VPS13B: variants seen among roughly 807,000 people sequenced by gnomAD.
VPS13B encodes intermembrane lipid transfer protein VPS13B.
Under a neutral mutation model 426.4 loss-of-function variants are expected in VPS13B, and 285 were observed. The observed-to-expected ratio is 0.67, with a 90% CI of 0.61 to 0.74. The LOEUF (loss-of-function observed/expected upper bound fraction) is 0.74, where lower values mean the gene tolerates loss of function less well. Among genes scored for constraint, VPS13B ranks in the 30% least tolerant of loss-of-function variants. The pLI, the probability that VPS13B is intolerant of heterozygous loss-of-function variation, is 0.00. For missense variants in VPS13B, 4,537 were observed against 4,782.6 expected (o/e 0.95, Z 1.51); for synonymous variants, 1,676 against 1,676.4 (o/e 1.00, Z 0.01).
chr8:99,205,077 C>T (rs373078911), intron 17 of VPS13B, among the ~76,000 whole-genome samples: 20 of 152,160 alleles, frequency 1.3e-4, no homozygotes, highest in Non-Finnish European at 1.8e-4. Flanking sequence ...CAGCACTATT[C>T]GGAATAGCAA....
Position 99,038,513 on chromosome 8 carries a change from G to C in VPS13B, c.238G>C (p.Val80Leu), listed in dbSNP as rs948398413. ...PWTKLGSEPV[V>L]ITINTMECIL... The stretch of plus-strand genomic sequence containing the variant: ...GACAAAACTGGGTTCAGAACCAGTG[G>C]TAATTACCATCAATACTATGGAATG... The change falls in exon 3 of 62, where the codon GTA (valine) becomes CTA (leucine). Residue 80 changes from valine to leucine, a missense_variant. Around this residue, in one of 2 missense-constraint regions of VPS13B, gnomAD observed 226 missense variants for 308.3 expected, o/e 0.73. Coordinates refer to ENST00000357162, the MANE Select transcript of VPS13B (RefSeq NM_152564.5). The C allele has an allele frequency of 2.5e-6, 4 of 1,612,512 alleles. No homozygotes were observed. Among genetic ancestry groups the C allele is most frequent in the South Asian group, 2.2e-5 (2 of 91,008 alleles).
At chr8:99,697,863 A>G (rs562792599) in intron 35 of VPS13B, 5 of 551,534 alleles carry the variant, frequency 9.1e-6, no homozygotes, top group African/African-American at 1.9e-5. Context: ...AAGAATGGCA[A>G]GGTCAACATC....
chr8:99,536,259 C>T (rs1048987259), intron 30 of VPS13B, among the ~76,000 whole-genome samples: 9 of 152,048 alleles, frequency 5.9e-5, no homozygotes, highest in African/African-American at 2.2e-4. Flanking sequence ...TGATTTTAAT[C>T]AGAATTTAAA....
At chr8:99,143,341 A>C (rs1660285232) in intron 13 of VPS13B, among the ~76,000 whole-genome samples, 176 bp downstream of exon 13, 1 of 152,196 alleles carries the variant, frequency 6.6e-6, no homozygotes, top group African/African-American at 2.4e-5. Flanking sequence ...AGTTGGAGAG[A>C]TCAAGATTTG....
chr8:99,877,236 G>C lies in VPS13B; in HGVS notation c.*1570G>C, dbSNP rs186440514. 4 of 152,604 alleles carry C rather than the reference G, an allele frequency of 2.6e-5. No homozygotes were observed. The highest frequency in any genetic ancestry group is 6.5e-5 in the Admixed American group (1 of 15,286). 9.5% of individuals were successfully genotyped at this position (152,604 alleles called of 1,614,324 possible). A position where few individuals can be genotyped will look rare whatever the true frequency, so the allele number is the denominator to read the frequency against. The stretch of plus-strand genomic sequence containing the variant: ...TTGTTACTGGAAAGCAAGACTTAAC[G>C]AACAATTCTGACTATGAAAAATGTC... On this transcript the variant is annotated 3_prime_UTR_variant, in exon 62 of 62. Coordinates refer to ENST00000357162, the MANE Select transcript of VPS13B (RefSeq NM_152564.5).
intron 17 of VPS13B, among the ~76,000 whole-genome samples, chr8:99,252,668 C>A (rs1325691194): frequency 6.6e-6 from 1 of 152,042 alleles, no homozygotes; most frequent in East Asian, 1.9e-4. Context: ...ATTTTCAGCT[C>A]TATCTCTTTC....
chr8:99,575,695 C>A lies in VPS13B; in HGVS notation c.4987C>A (p.Pro1663Thr). 1 of 1,613,788 alleles carries A rather than the reference C, an allele frequency of 6.2e-7. No homozygotes were observed. The highest frequency in any genetic ancestry group is 8.5e-7 in the Non-Finnish European group (1 of 1,179,874). Residue 1663 changes from proline (P) to threonine (T), a missense_variant, in exon 32 of 62, where the codon CCC (proline) becomes ACC (threonine). This residue lies in a region of VPS13B where 4,311 missense variants were observed against 4,474.3 expected (regional missense o/e 0.96). Transcript: ENST00000357162. Reference protein sequence around the residue: ...RHQERRAILTPVLTDFSVRIT... With the variant: ...RHQERRAILTTVLTDFSVRIT... ...TCAAGAAAGGAGAGCAATTTTGACC[C>A]CCGTTTTGACAGATTTTTCTGTCCG...
At chr8:99,823,547 G>T (rs866014350) in intron 50 of VPS13B, among the ~76,000 whole-genome samples, 1 of 152,060 alleles carries the variant, frequency 6.6e-6, no homozygotes, top group Admixed American at 6.6e-5. Flanking sequence ...CACTTTGTGA[G>T]GTTACTGGTA....
In VPS13B at chr8:99,141,566, T is replaced by C. The variant is rs192460220; in HGVS notation, c.1652-1408T>C. Among the ~76,000 whole-genome samples, 3 of 152,308 alleles carry C rather than the reference T, an allele frequency of 2.0e-5. No homozygotes were observed. The East Asian group carries it at 5.8e-4, about 29-fold the overall frequency. On this transcript the variant is annotated intron_variant, in intron 12 of 61. Transcript: ENST00000357162. Reference sequence around the variant, plus strand: ...TGGTTTTGATGTGAATGGTATGTTATTTATACCTAATTCCTAATGTGAGTC... The same window carrying C: ...TGGTTTTGATGTGAATGGTATGTTACTTATACCTAATTCCTAATGTGAGTC...
chr8:99,284,204 T>C (rs917624983), intron 19 of VPS13B, among the ~76,000 whole-genome samples: 113 of 152,342 alleles, frequency 7.4e-4, no homozygotes, highest in African/African-American at 2.6e-3. Context: ...GTTTAAAATA[T>C]TTTTTCTTTT....
At chr8:99,655,312 A>C (rs1276529028) in intron 34 of VPS13B, among the ~76,000 whole-genome samples, 2 of 152,242 alleles carry the variant, frequency 1.3e-5, no homozygotes, top group Non-Finnish European at 2.9e-5. Flanking sequence ...AGAGCACTGA[A>C]TCTTAAAAAG....
chr8:99,508,300 G>C (rs1821607483), intron 28 of VPS13B, among the ~76,000 whole-genome samples: 1 of 151,934 alleles, frequency 6.6e-6, no homozygotes, highest in Admixed American at 6.6e-5. Flanking sequence ...CTAATTCAAA[G>C]TAACTTGTGT....
intron 55 of VPS13B, 144 bp from the exon 56 acceptor site, chr8:99,853,307 T>C: frequency 1.2e-6 from 1 of 809,504 alleles, no homozygotes; most frequent in Non-Finnish European, 2.0e-6. Flanking sequence ...CACAATGTAC[T>C]GAAAGTTGAG....
chr8:99,579,788 C>T (rs1588514280), intron 33 of VPS13B, among the ~76,000 whole-genome samples: 1 of 151,752 alleles, frequency 6.6e-6, no homozygotes, highest in Admixed American at 6.6e-5. Context: ...ATCTCCACCT[C>T]CTGGGTTCAA....
In VPS13B at chr8:99,596,048, A is replaced by C. The variant is rs185888401; in HGVS notation, c.5220+18415A>C. ...AATGTGGAAAAATTGGAACCCTCTT[A>C]CACTGGACCAGAATGTTTACCTACA... On this transcript the variant is annotated intron_variant, in intron 33 of 61. Coordinates refer to ENST00000357162, the MANE Select transcript of VPS13B (RefSeq NM_152564.5). 2.6e-4 allele frequency among the ~76,000 whole-genome samples: 40 copies of C among 152,084 alleles called. 1 individual carries two copies. Among genetic ancestry groups the C allele is most frequent in the Admixed American group, 2.6e-3 (39 of 15,252 alleles).
intron 23 of VPS13B, among the ~76,000 whole-genome samples, chr8:99,454,388 T>C (rs932327846): frequency 2.0e-5 from 3 of 152,184 alleles, no homozygotes; most frequent in African/African-American, 7.2e-5. Context: ...AAGGGTGGTC[T>C]CTAACTCCTG....
intron 24 of VPS13B, among the ~76,000 whole-genome samples, chr8:99,475,787 G>A (rs1819658841): frequency 6.6e-6 from 1 of 152,146 alleles, no homozygotes; most frequent in Non-Finnish European, 1.5e-5. Context: ...GAGTCACCTG[G>A]TTCCCAGTGC....
intron 19 of VPS13B, among the ~76,000 whole-genome samples, chr8:99,307,939 G>A (rs7819840): frequency 6.6e-6 from 1 of 151,738 alleles, no homozygotes; most frequent in Non-Finnish European, 1.5e-5. Flanking sequence ...CCTAGGTTTT[G>A]GTATGTTGTG....
At chr8:99,022,390 A>T (rs1407377786) in intron 2 of VPS13B, among the ~76,000 whole-genome samples, 2 of 152,146 alleles carry the variant, frequency 1.3e-5, no homozygotes, top group African/African-American at 4.8e-5. Context: ...TGGCTTACTT[A>T]GAAGTATATT....
Sources: gnomAD v4.1 joint callset for allele counts (sites outside exome capture counted in the v4.1 genomes callset) on GRCh38, gnomAD v4.1.1 for gene constraint, gnomAD v4.1.1 regional missense constraint, MANE v1.5 for transcripts, NCBI Gene and HGNC (gene_info 2026-07-23, HGNC 2026-07-21) for gene names.